PCP4: variants seen among roughly 807,000 people sequenced by gnomAD.
PCP4 encodes calmodulin regulator protein PCP4.
PCP4 carries 8 observed loss-of-function variants against 10.0 expected under a neutral mutation model. That is an observed-to-expected ratio of 0.80 (90% CI 0.47 to 1.45). The LOEUF (loss-of-function observed/expected upper bound fraction) is 1.45, where lower values mean the gene tolerates loss of function less well. PCP4 is among the 40% of genes most tolerant of loss of function. The pLI, the probability that PCP4 is intolerant of heterozygous loss-of-function variation, is 0.00. For missense variants in PCP4, 54 were observed against 74.4 expected, an observed-to-expected ratio of 0.73 and a Z score of 1.01; for synonymous variants, 21 against 23.0, an observed-to-expected ratio of 0.91 and a Z score of 0.24.
intron 2 of PCP4, chr21:39,916,069 G>A (rs1057454667): frequency 6.6e-6 from 1 of 152,140 alleles, no homozygotes; most frequent in Admixed American, 6.6e-5. Context: ...TTCCTAGTCA[G>A]AGTGTGAAGA....
At chr21:39,883,130 AT>A (rs1298969440) in intron 1 of PCP4, among the ~76,000 whole-genome samples, 3 of 436 alleles carry the variant, frequency 6.9e-3, no homozygotes, top group Admixed American at 0.065. Context: ...ATGGACAAGT[AT>A]TTCCTTTGTG....
intron 2 of PCP4, among the ~76,000 whole-genome samples, chr21:39,920,027 G>T (rs918862740): frequency 7.0e-6 from 1 of 143,846 alleles, no homozygotes; most frequent in East Asian, 2.1e-4. Flanking sequence ...TGGTGTGTGG[G>T]TGTAGGTATG....
At chr21:39,920,021 G>A (rs1394862255) in intron 2 of PCP4, among the ~76,000 whole-genome samples, 5 of 147,336 alleles carry the variant, frequency 3.4e-5, no homozygotes, top group Non-Finnish European at 6.0e-5. Context: ...TGTGTGTGGT[G>A]TGTGGGTGTA....
At chr21:39,919,156 A>G (rs1421460778) in intron 2 of PCP4, among the ~76,000 whole-genome samples, 8 of 152,148 alleles carry the variant, frequency 5.3e-5, no homozygotes, top group Admixed American at 5.2e-4. Flanking sequence ...CTCAAGGGCA[A>G]GGGTTTGGGT....
intron 1 of PCP4, among the ~76,000 whole-genome samples, chr21:39,892,664 A>C (rs2087438517): frequency 6.6e-6 from 1 of 152,220 alleles, no homozygotes; most frequent in Admixed American, 6.5e-5. Flanking sequence ...TACATCATGG[A>C]GAATGGGGTA....
intron 1 of PCP4, among the ~76,000 whole-genome samples, chr21:39,897,292 G>A (rs2087461482): frequency 6.6e-6 from 1 of 151,468 alleles, no homozygotes; most frequent in African/African-American, 2.4e-5. Context: ...GTAGGCTGAG[G>A]TAGGAGAATA....
chr21:39,890,002 G>A (rs1568853338), intron 1 of PCP4, among the ~76,000 whole-genome samples: 1 of 152,164 alleles, frequency 6.6e-6, no homozygotes, highest in Non-Finnish European at 1.5e-5. Context: ...ACAGGTTTGG[G>A]TGAGTTGGCT....
chr21:39,872,355 CG>C (rs907917424), intron 1 of PCP4, among the ~76,000 whole-genome samples: 3 of 152,102 alleles, frequency 2.0e-5, no homozygotes, highest in Non-Finnish European at 4.4e-5. Context: ...GAGATGTGAT[CG>C]GGGGAAGGCA....
intron 2 of PCP4, among the ~76,000 whole-genome samples, chr21:39,909,081 C>G (rs1002956708): frequency 2.6e-5 from 4 of 152,132 alleles, no homozygotes; most frequent in African/African-American, 9.7e-5. Flanking sequence ...CCTTTAATGT[C>G]AAGTACATTC....
In PCP4 at chr21:39,888,074, C is replaced by T. The variant is rs374101699; in HGVS notation, c.10-10402C>T. 2.3e-4 allele frequency among the ~76,000 whole-genome samples: 35 copies of T among 152,254 alleles called. No homozygotes were observed. The East Asian group carries it at 5.6e-3, about 24-fold the overall frequency. On this transcript the variant is annotated intron_variant, in intron 1 of 2. Transcript: ENST00000328619. ...TGCCATTCCAGGGGAGCTAAAAACCCTGAAACCATTAGAAGTGTTGATATC... is the reference window on the plus strand; with the variant it reads ...TGCCATTCCAGGGGAGCTAAAAACCTTGAAACCATTAGAAGTGTTGATATC...
intron 2 of PCP4, among the ~76,000 whole-genome samples, chr21:39,913,004 CCA>C (rs1378777660): frequency 6.6e-6 from 1 of 152,186 alleles, no homozygotes; most frequent in Non-Finnish European, 1.5e-5. Flanking sequence ...AAAACTAACA[CCA>C]AAACTCTACT....
At chr21:39,889,661 C>A (rs911595383) in intron 1 of PCP4, among the ~76,000 whole-genome samples, 1 of 152,034 alleles carries the variant, frequency 6.6e-6, no homozygotes, top group Admixed American at 6.5e-5. Flanking sequence ...CGTGATCTGC[C>A]TGCCTCGGCC....
chr21:39,911,481 G>A (rs891574773), intron 2 of PCP4, among the ~76,000 whole-genome samples: 6 of 152,206 alleles, frequency 3.9e-5, no homozygotes, highest in Admixed American at 1.3e-4. Context: ...AGAAGTGGGT[G>A]CCTCCCTCTG....
intron 2 of PCP4, among the ~76,000 whole-genome samples, chr21:39,927,279 GATCTATCTATCTATCTATCT>G (rs10526940): frequency 7.2e-6 from 1 of 139,214 alleles, no homozygotes; most frequent in African/African-American, 2.6e-5. Context: ...CTGTCTCTCT[GATCTATCTATCTATCTATCT>G]ATCTATCTAT....
intron 1 of PCP4, among the ~76,000 whole-genome samples, chr21:39,880,166 ATATCTATATCTATATCTATATC>A (rs1568850654): frequency 7.0e-6 from 1 of 142,886 alleles, no homozygotes; most frequent in Non-Finnish European, 1.5e-5. Context: ...ATCTATATCT[ATATCTATATCTATATCTATATC>A]TATCTATATC....
chr21:39,921,168 A>G (rs1437877748), intron 2 of PCP4, among the ~76,000 whole-genome samples: 1 of 152,190 alleles, frequency 6.6e-6, no homozygotes, highest in African/African-American at 2.4e-5. Flanking sequence ...CAGATTTTGC[A>G]AGCTGGTTGA....
intron 1 of PCP4, among the ~76,000 whole-genome samples, chr21:39,882,260 C>T (rs571923023): frequency 5.3e-5 from 8 of 152,198 alleles, no homozygotes; most frequent in East Asian, 1.9e-4. Context: ...CCGAGTGCAG[C>T]GGTACATTAC....
chr21:39,885,041 T>A (rs532439616), intron 1 of PCP4, among the ~76,000 whole-genome samples: 1 of 152,340 alleles, frequency 6.6e-6, no homozygotes, highest in African/African-American at 2.4e-5. Context: ...TAAATGTTAC[T>A]TTATAATGAA....
intron 2 of PCP4, among the ~76,000 whole-genome samples, chr21:39,926,654 T>C (rs1045733400): frequency 6.6e-6 from 1 of 152,162 alleles, no homozygotes; most frequent in African/African-American, 2.4e-5. Context: ...TACAAAAGGG[T>C]TTATTGCCAT....
Sources: allele counts gnomAD v4.1 joint callset (sites outside exome capture counted in the v4.1 genomes callset), GRCh38; gene constraint gnomAD v4.1.1; transcripts MANE v1.5; gene names NCBI Gene and HGNC (gene_info 2026-07-23, HGNC 2026-07-21).